CYB5A: variants seen among roughly 807,000 people sequenced by gnomAD.
The protein encoded by CYB5A is cytochrome b5 type A.
In CYB5A, 10 loss-of-function variants were observed where a neutral mutation model predicts 16.2. That is an observed-to-expected ratio of 0.62 (90% CI 0.38 to 1.04). The LOEUF is 1.04. CYB5A is among the 50% of genes least tolerant of loss of function. CYB5A has a pLI of 0.01. For synonymous variants in CYB5A, 62 were observed against 57.0 expected (o/e 1.09, Z -0.40); for missense variants, 161 against 165.9 (o/e 0.97, Z 0.16).
chr18:74,256,830 C>T, intron 3 of CYB5A: 4 of 1,614,014 alleles, frequency 2.5e-6, no homozygotes, highest in Non-Finnish European at 3.4e-6. Flanking sequence ...ACCCACCAAC[C>T]TTGAAACACC....
At chr18:74,260,997 C>T (rs1982178587) in intron 2 of CYB5A, 53 bp from the exon 3 acceptor site, 10 of 1,391,012 alleles carry the variant, frequency 7.2e-6, no homozygotes, top group Non-Finnish European at 1.0e-5. Flanking sequence ...ATGAAAGTAC[C>T]ACTTCCAAAA....
intron 1 of CYB5A, among the ~76,000 whole-genome samples, chr18:74,277,000 T>A (rs1017760705): frequency 9.9e-5 from 15 of 152,192 alleles, no homozygotes; most frequent in African/African-American, 3.6e-4. Context: ...TTAAACAGGA[T>A]CTTTCATTCC....
intron 3 of CYB5A, chr18:74,259,216 C>A (rs1295821410): frequency 2.0e-5 from 3 of 152,204 alleles, no homozygotes; most frequent in Non-Finnish European, 2.9e-5. Flanking sequence ...CCTTCTACAT[C>A]TAACAAGCTG....
At chr18:74,291,201 C>T (rs1730609686) in intron 1 of CYB5A, among the ~76,000 whole-genome samples, 1 of 152,216 alleles carries the variant, frequency 6.6e-6, no homozygotes, top group Admixed American at 6.5e-5. Context: ...CCGGCCACTG[C>T]GGGAATGCCG....
At chr18:74,261,319 C>T (rs371490526) in intron 2 of CYB5A, 6 of 292,884 alleles carry the variant, frequency 2.0e-5, no homozygotes, top group African/African-American at 8.7e-5. Context: ...GTATCTCTTA[C>T]GTGTATGATA....
rs201137874 is a variant in CYB5A at position 74,260,927 on chromosome 18, T to C, written c.276A>G (p.Leu92=). 8.0e-5 allele frequency: 129 copies of C among 1,612,764 alleles called. No homozygotes were observed. The highest frequency in any genetic ancestry group is 1.0e-4 in the Non-Finnish European group (120 of 1,178,922). Residue 92 remains leucine, a synonymous_variant, in exon 3 of 5, where the codon TTA becomes TTG. Transcript: ENST00000340533. ...TGGTCACACTTACCGGAGGCTTGTTTAACTTTGGTCTGTCATCCTGCAATG... is the reference window on the plus strand; with the variant it reads ...TGGTCACACTTACCGGAGGCTTGTTCAACTTTGGTCTGTCATCCTGCAATG... ...GELHPDDRPK[L]NKPPETLITT...
At position 74,288,014 on chromosome 18, in the gene CYB5A, C is replaced by T. The variant is rs184335447; in HGVS notation, c.129+3733G>A. ...TAGAACTCAGGATTGAAAAAAAAAT[C>T]TAGTTCAAAATATGTAGGCAATAAA... is the stretch of plus-strand genomic sequence containing the variant. On this transcript the variant is annotated intron_variant, in intron 1 of 4. Transcript: ENST00000340533. Among the ~76,000 whole-genome samples the T allele has an allele frequency of 2.7e-3, 405 of 152,224 alleles. 5 individuals are homozygous for T. Among genetic ancestry groups the T allele is most frequent in the African/African-American group, 9.4e-3 (390 of 41,546 alleles).
intron 1 of CYB5A, among the ~76,000 whole-genome samples, chr18:74,288,777 G>A (rs911072531): frequency 1.3e-5 from 2 of 152,164 alleles, no homozygotes; most frequent in African/African-American, 2.4e-5. Flanking sequence ...GGCTCCCAGA[G>A]GCTTTGCCGG....
At chr18:74,282,547 C>T (rs1983157427) in intron 1 of CYB5A, among the ~76,000 whole-genome samples, 1 of 152,184 alleles carries the variant, frequency 6.6e-6, no homozygotes. Flanking sequence ...AGGCAGGAGC[C>T]CTCATCGCGT....
chr18:74,272,695 G>T (rs1375711025), intron 1 of CYB5A, among the ~76,000 whole-genome samples: 1 of 152,174 alleles, frequency 6.6e-6, no homozygotes, highest in South Asian at 2.1e-4. Flanking sequence ...GAGGTGGGCA[G>T]ATCACCTGAG....
At chr18:74,272,686 A>G (rs913029300) in intron 1 of CYB5A, among the ~76,000 whole-genome samples, 1 of 152,164 alleles carries the variant, frequency 6.6e-6, no homozygotes, top group Non-Finnish European at 1.5e-5. Context: ...TGGGAGGCCG[A>G]GGTGGGCAGA....
At chr18:74,284,572 A>G (rs1983248284) in intron 1 of CYB5A, among the ~76,000 whole-genome samples, 2 of 152,250 alleles carry the variant, frequency 1.3e-5, no homozygotes, top group Admixed American at 1.3e-4. Context: ...AACAAACAAT[A>G]GCAGGCAGTG....
In CYB5A at chr18:74,255,778, G is replaced by C; in HGVS notation, c.289-3C>G. On this transcript the variant is annotated splice_region_variant and splice_polypyrimidine_tract_variant and intron_variant, in intron 3 of 4. Transcript: ENST00000340533. ...TCAATAGTAGTGATAAGAGTTTCCT[G>C]AAACACGAGAGGAAAAAGTAAAGTA... 6.2e-7 allele frequency: 1 copy of C among 1,609,510 alleles called. No homozygotes were observed. The highest frequency in any genetic ancestry group is 8.5e-7 in the Non-Finnish European group (1 of 1,175,794).
chr18:74,289,877 C>T (rs773114633), intron 1 of CYB5A, among the ~76,000 whole-genome samples: 4 of 151,562 alleles, frequency 2.6e-5, no homozygotes, highest in Admixed American at 6.6e-5. Flanking sequence ...CCAGGACAGA[C>T]GCCACAACAA....
intron 4 of CYB5A, among the ~76,000 whole-genome samples, chr18:74,255,460 C>T (rs982627139): frequency 6.6e-6 from 1 of 152,168 alleles, no homozygotes; most frequent in Non-Finnish European, 1.5e-5. Flanking sequence ...GACTGGCCGC[C>T]TAAGATGCTG....
intron 1 of CYB5A, among the ~76,000 whole-genome samples, chr18:74,282,560 A>G (rs1037787237): frequency 6.6e-6 from 1 of 152,250 alleles, no homozygotes; most frequent in African/African-American, 2.4e-5. Flanking sequence ...CATCGCGTGG[A>G]AAAAGCAGCA....
chr18:74,273,731 C>A (rs1023870520), intron 1 of CYB5A, among the ~76,000 whole-genome samples: 9 of 152,342 alleles, frequency 5.9e-5, no homozygotes, highest in Admixed American at 5.9e-4. Context: ...ATTCTTCCTG[C>A]AGGAGAGATG....
intron 3 of CYB5A, chr18:74,256,739 A>G (rs1239557959): frequency 1.7e-6 from 2 of 1,177,544 alleles, no homozygotes; most frequent in African/African-American, 1.5e-5. Context: ...TAAGGCAAGC[A>G]TCACTCTGCA....
At position 74,253,511 on chromosome 18, in the gene CYB5A, A is replaced by G; in HGVS notation, c.*73T>C. On this transcript the variant is annotated 3_prime_UTR_variant, in exon 5 of 5. Transcript: ENST00000340533. ...TTCAAGTGAAGGTTTCTGTCAGTTG[A>G]AGTAGTTAGCAATGGCTTCTTTTCT... 1.2e-6 allele frequency: 1 copy of G among 861,944 alleles called. No individual in the cohort carries two copies. Among genetic ancestry groups the G allele is most frequent in the East Asian group, 2.5e-5 (1 of 40,464 alleles). 53.4% of individuals were successfully genotyped at this position (861,944 alleles called of 1,614,324 possible).
Sources: gnomAD v4.1 joint callset for allele counts (sites outside exome capture counted in the v4.1 genomes callset) on GRCh38, gnomAD v4.1.1 for gene constraint, MANE v1.5 for transcripts, NCBI Gene and HGNC (gene_info 2026-07-23, HGNC 2026-07-21) for gene names.